The following KDM7A variants were observed in gnomAD, a reference collection of about 807,000 sequenced individuals.
The protein encoded by KDM7A is lysine-specific demethylase 7A.
KDM7A carries 28 observed loss-of-function variants against 114.8 expected under a neutral mutation model. The ratio of observed to expected loss-of-function variants is 0.24; its 90% CI spans 0.18 to 0.33. The LOEUF (loss-of-function observed/expected upper bound fraction) is 0.33. KDM7A is among the 10% of genes least tolerant of loss of function. The pLI is 1.00. For synonymous variants in KDM7A, 423 were observed against 397.8 expected, an observed-to-expected ratio of 1.06 and a Z score of -0.75; for missense variants, 942 against 1,142.5, an observed-to-expected ratio of 0.82 and a Z score of 2.53.
Position 140,171,581 on chromosome 7 carries a change from A to ATAT in KDM7A, c.194+5162_194+5163insATA, listed in dbSNP as rs1554402328. On this transcript the variant is annotated intron_variant, in intron 1 of 19. Transcript: ENST00000397560. ...TATTTTTATATATTTATATATATATATTTTTATATAGTTGTATTTATATAT... is the reference window on the plus strand; with the variant it reads ...TATTTTTATATATTTATATATATATATATTTTTTATATAGTTGTATTTATATAT... Among the ~76,000 whole-genome samples the ATAT allele has an allele frequency of 7.0e-3, 1,008 of 144,096 alleles. 18 individuals are homozygous for ATAT. Among genetic ancestry groups the ATAT allele is most frequent in the African/African-American group, 0.021 (826 of 39,596 alleles). The allele number at this position is 144,096 out of a possible 152,430, so 94.5% of individuals were successfully genotyped here. A position where few individuals can be genotyped will look rare whatever the true frequency, so the allele number is the denominator to read the frequency against.
intron 18 of KDM7A, among the ~76,000 whole-genome samples, chr7:140,093,523 G>C (rs886130012): frequency 6.6e-6 from 1 of 151,784 alleles, no homozygotes; most frequent in African/African-American, 2.4e-5. Flanking sequence ...CATTTTCCAA[G>C]GTTTGCAAAA....
chr7:140,155,904 G>A (rs115296779), intron 1 of KDM7A, among the ~76,000 whole-genome samples: 3,741 of 152,322 alleles, frequency 0.025, 160 homozygotes, highest in African/African-American at 0.086. Flanking sequence ...TCTGAGGACA[G>A]TTACATTTCA....
At chr7:140,122,014 C>T (rs1818624538) in intron 7 of KDM7A, among the ~76,000 whole-genome samples, 1 of 152,176 alleles carries the variant, frequency 6.6e-6, no homozygotes, top group African/African-American at 2.4e-5. Flanking sequence ...GTTAGAAATG[C>T]ACATTCTCAG....
At chr7:140,096,835 A>T in intron 16 of KDM7A, 64 bp downstream of exon 16, 2 of 1,584,924 alleles carry the variant, frequency 1.3e-6, no homozygotes, top group South Asian at 2.3e-5. Context: ...ATTTAAAACT[A>T]AAAAAAGTGT....
At chr7:140,148,662 A>T (rs1420507841) in intron 1 of KDM7A, among the ~76,000 whole-genome samples, 5 of 152,186 alleles carry the variant, frequency 3.3e-5, no homozygotes, top group African/African-American at 1.2e-4. Context: ...ACAATGTTTT[A>T]ACCCTGAGAC....
At position 140,085,917 on chromosome 7, in the gene KDM7A, A is replaced by G. The variant is rs1817917561; in HGVS notation, c.*5177T>C. On this transcript the variant is annotated 3_prime_UTR_variant, in exon 20 of 20. Coordinates refer to ENST00000397560, the MANE Select transcript of KDM7A (RefSeq NM_030647.2). ...TAATGCTGGTAAGTTTTACCAACCA[A>G]AATACACCAAAGAAATATGAGAGTA... is the stretch of plus-strand genomic sequence containing the variant. 6.6e-6 allele frequency: 1 copy of G among 152,212 alleles called. No individual in the cohort carries two copies. Among genetic ancestry groups the G allele is most frequent in the Admixed American group, 6.5e-5 (1 of 15,280 alleles). The allele number at this position is 152,212 out of a possible 1,614,324, so 9.4% of individuals were successfully genotyped here. A position where few individuals can be genotyped will look rare whatever the true frequency, so the allele number is the denominator to read the frequency against.
At chr7:140,117,428 G>A (rs1045920925) in intron 9 of KDM7A, among the ~76,000 whole-genome samples, 1 of 149,512 alleles carries the variant, frequency 6.7e-6, no homozygotes, top group African/African-American at 2.5e-5. Flanking sequence ...TTAGACATTA[G>A]TAGAAAAAAA....
chr7:140,111,855 G>C (rs1008429443), intron 10 of KDM7A, among the ~76,000 whole-genome samples: 3 of 151,184 alleles, frequency 2.0e-5, no homozygotes, highest in Non-Finnish European at 2.9e-5. Flanking sequence ...TGAGGTAGGA[G>C]AATCACTTGA....
chr7:140,106,305 T>TA (rs1818337624), intron 11 of KDM7A, among the ~76,000 whole-genome samples: 1 of 152,222 alleles, frequency 6.6e-6, no homozygotes, highest in African/African-American at 2.4e-5. Flanking sequence ...GCTCTGATCT[T>TA]AGTTATTTCT....
chr7:140,109,276 C>T (rs748851715), intron 11 of KDM7A, among the ~76,000 whole-genome samples: 1 of 152,332 alleles, frequency 6.6e-6, no homozygotes, highest in African/African-American at 2.4e-5. Flanking sequence ...CACCCACTGT[C>T]CAACAAGCCC....
chr7:140,094,103 T>C lies in KDM7A; in HGVS notation c.2410A>G (p.Thr804Ala). ...HVKTEDPDLR[T>A]SSWIKQFDTS... ...TCAAACTGTTTAATCCAGGAGGAAG[T>C]CCTCAAGTCTGGATCTTCAGTCTTG... The change falls in exon 18 of 20, where the codon ACT becomes GCT. Residue 804 changes from threonine to alanine, a missense_variant. Transcript: ENST00000397560. 1 of 1,604,664 alleles carries C rather than the reference T, an allele frequency of 6.2e-7. No homozygotes were observed. Among genetic ancestry groups the C allele is most frequent in the Middle Eastern group, 1.7e-4 (1 of 6,044 alleles).
chr7:140,127,676 A>ATC, intron 4 of KDM7A, 93 bp from the exon 5 acceptor site: 2 of 1,060,152 alleles, frequency 1.9e-6, no homozygotes, highest in Non-Finnish European at 2.9e-6. Flanking sequence ...TATGATAATT[A>ATC]AACCAACTAT....
At chr7:140,116,200 T>C (rs968891555) in intron 9 of KDM7A, among the ~76,000 whole-genome samples, 4 of 152,214 alleles carry the variant, frequency 2.6e-5, no homozygotes, top group Non-Finnish European at 5.9e-5. Flanking sequence ...TTAGCAGCAT[T>C]TTCCGTAATT....
intron 18 of KDM7A, among the ~76,000 whole-genome samples, chr7:140,093,070 T>A (rs942315037): frequency 5.9e-5 from 9 of 152,250 alleles, no homozygotes; most frequent in Middle Eastern, 6.8e-3. Context: ...AAGCCAAATT[T>A]AAAAAATTAA....
chr7:140,176,487 G>A lies in KDM7A; in HGVS notation c.194+257C>T, dbSNP rs999608289. On this transcript the variant is annotated intron_variant, in intron 1 of 19. Transcript: ENST00000397560. This position sits in a 1 kb window ranked among gnomAD's most constrained non-coding sequence, Gnocchi z 4.4. Reference sequence around the variant, plus strand: ...GGCTCCCCCTGCCAACTTATCCGCCGGCCCTCTTTGTTCGTGTTTGTTGTG... The same window carrying A: ...GGCTCCCCCTGCCAACTTATCCGCCAGCCCTCTTTGTTCGTGTTTGTTGTG... 3.4e-4 allele frequency among the ~76,000 whole-genome samples: 50 copies of A among 146,688 alleles called. No homozygotes were observed. The highest frequency in any genetic ancestry group is 1.5e-4 in the Non-Finnish European group (10 of 65,986).
At chr7:140,151,465 T>C (rs997222544) in intron 1 of KDM7A, among the ~76,000 whole-genome samples, 3 of 152,152 alleles carry the variant, frequency 2.0e-5, no homozygotes, top group African/African-American at 7.2e-5. Context: ...TTGGAGCCCG[T>C]TTAAATATAA....
chr7:140,159,125 A>C (rs1794490248), intron 1 of KDM7A, among the ~76,000 whole-genome samples: 1 of 152,186 alleles, frequency 6.6e-6, no homozygotes, highest in Non-Finnish European at 1.5e-5. Flanking sequence ...TGGACAGATC[A>C]CTTGAGGTCG....
At chr7:140,115,416 T>A (rs1052452940) in intron 9 of KDM7A, among the ~76,000 whole-genome samples, 2 of 152,188 alleles carry the variant, frequency 1.3e-5, no homozygotes, top group Admixed American at 6.5e-5. Flanking sequence ...TAGAAAGAAG[T>A]AGACATGGGA....
chr7:140,138,043 C>T (rs1048495392), intron 2 of KDM7A, among the ~76,000 whole-genome samples: 1 of 152,156 alleles, frequency 6.6e-6, no homozygotes, highest in Non-Finnish European at 1.5e-5. Flanking sequence ...ATAGTTATTA[C>T]AGGCCAGGTG....
Sources: allele counts gnomAD v4.1 joint callset (sites outside exome capture counted in the v4.1 genomes callset), GRCh38; gene constraint gnomAD v4.1.1; non-coding constraint Gnocchi (gnomAD v3.1); transcripts MANE v1.5; gene names NCBI Gene and HGNC (gene_info 2026-07-23, HGNC 2026-07-21).